The following ITPR1 variants were observed in gnomAD, a reference collection of about 807,000 sequenced individuals.
ITPR1 encodes the protein inositol 1,4,5-trisphosphate-gated calcium channel ITPR1.
Under a neutral mutation model 318.4 loss-of-function variants are expected in ITPR1, and 96 were observed. The ratio of observed to expected loss-of-function variants is 0.30; its 90% CI spans 0.26 to 0.36. ITPR1 has a LOEUF of 0.36. Ranked by LOEUF, ITPR1 falls within the 10% of genes least tolerant of loss-of-function variation. ITPR1 has a pLI of 1.00. For missense variants in ITPR1, 2,440 were observed against 3,460.2 expected (o/e 0.71, Z 7.40); for synonymous variants, 1,312 against 1,289.9 (o/e 1.02, Z -0.37).
At chr3:4,568,614 T>C (rs2087638855) in intron 4 of ITPR1, among the ~76,000 whole-genome samples, 1 of 152,030 alleles carries the variant, frequency 6.6e-6, no homozygotes, top group African/African-American at 2.4e-5. Context: ...AGTGACCAGG[T>C]AGACAGAGGC....
rs370842479 is a variant in ITPR1 at position 4,542,907 on chromosome 3, A to G, written c.163+21813A>G. Among the ~76,000 whole-genome samples the G allele has an allele frequency of 1.5e-3, 229 of 152,304 alleles. 5 individuals carry two copies. The South Asian group carries it at 0.047, about 31-fold the overall frequency. On this transcript the variant is annotated intron_variant, in intron 4 of 61. Transcript: ENST00000649015. The stretch of plus-strand genomic sequence containing the variant: ...GGATTCCCTTCTATATAACTGCTTC[A>G]GTACATTTCAAAATGTTTTCTAATA...
intron 51 of ITPR1, among the ~76,000 whole-genome samples, chr3:4,785,075 A>G (rs980078281): frequency 6.6e-6 from 1 of 152,242 alleles, no homozygotes; most frequent in African/African-American, 2.4e-5. Context: ...AATGTGACTT[A>G]AATTCTTTCA....
rs528335221 is a variant in ITPR1, at chr3:4,686,760, C to T, written c.3702+1554C>T. On this transcript the variant is annotated intron_variant, in intron 30 of 61. Transcript: ENST00000649015. ...TGGGGCTTGCTTTCCTTGGAAAAAT[C>T]CGCTTCACACCACAAGGGTTCTTCA... Among the ~76,000 whole-genome samples the T allele has an allele frequency of 1.1e-4, 16 of 152,328 alleles. No individual in the cohort carries two copies. In the South Asian group the frequency reaches 3.1e-3, roughly 30 times the overall value.
At chr3:4,708,210 A>G (rs1293281750) in intron 37 of ITPR1, among the ~76,000 whole-genome samples, 2 of 152,204 alleles carry the variant, frequency 1.3e-5, no homozygotes, top group Non-Finnish European at 2.9e-5. Flanking sequence ...AAGAAGATGA[A>G]AATAAAAGTA....
intron 16 of ITPR1, 44 bp downstream of exon 16, chr3:4,663,250 T>G (rs763257673): frequency 6.4e-7 from 1 of 1,562,648 alleles, no homozygotes; most frequent in East Asian, 2.3e-5. Flanking sequence ...TTATGAGAAA[T>G]CATAAAGCAT....
Position 4,779,698 on chromosome 3 carries a change from T to A in ITPR1, c.6387+53T>A. On this transcript the variant is annotated intron_variant, in intron 49 of 61. Transcript: ENST00000649015. This position sits in a 1 kb window ranked among gnomAD's most constrained non-coding sequence, Gnocchi z 4.0. ...GCACCAAGGAGCATTGCGACGATAT[T>A]TGGGACAGAGCAGAGGATCTGCTTC... is the stretch of plus-strand genomic sequence containing the variant. The A allele has an allele frequency of 7.8e-7, 1 of 1,283,590 alleles. No individual in the cohort carries two copies. The highest frequency in any genetic ancestry group is 1.1e-6 in the Non-Finnish European group (1 of 882,500). 79.5% of individuals were successfully genotyped at this position (1,283,590 alleles called of 1,614,324 possible).
chr3:4,701,279 G>C (rs974916475), intron 35 of ITPR1, among the ~76,000 whole-genome samples: 1 of 152,218 alleles, frequency 6.6e-6, no homozygotes, highest in East Asian at 1.9e-4. Flanking sequence ...TAATAGGGCA[G>C]GCGATAATGC....
At chr3:4,730,226 AAAAAC>A (rs1159493774) in intron 42 of ITPR1, among the ~76,000 whole-genome samples, 1 of 147,692 alleles carries the variant, frequency 6.8e-6, no homozygotes, top group Non-Finnish European at 1.5e-5. Context: ...TAAAAAAAAA[AAAAAC>A]AAAAAAAAAC....
chr3:4,679,338 C>T (rs920353733), intron 24 of ITPR1, among the ~76,000 whole-genome samples: 5 of 152,178 alleles, frequency 3.3e-5, no homozygotes, highest in African/African-American at 7.2e-5. Context: ...TTACGGAGGC[C>T]GAGAAGTCCC....
At chr3:4,828,423 G>A (rs1038874435) in intron 60 of ITPR1, among the ~76,000 whole-genome samples, 4 of 152,298 alleles carry the variant, frequency 2.6e-5, no homozygotes, top group African/African-American at 9.6e-5. Flanking sequence ...AAGGGTGAGT[G>A]AGCCTGATTG....
intron 2 of ITPR1, among the ~76,000 whole-genome samples, 152 bp from the exon 3 acceptor site, chr3:4,516,324 T>C (rs910357224): frequency 6.6e-6 from 1 of 152,232 alleles, no homozygotes; most frequent in Non-Finnish European, 1.5e-5. Flanking sequence ...CTTACTTGGC[T>C]CATTGAATCG....
chr3:4,501,982 C>T (rs898077054), intron 2 of ITPR1, among the ~76,000 whole-genome samples: 4 of 152,344 alleles, frequency 2.6e-5, no homozygotes, highest in African/African-American at 9.6e-5. Context: ...CACTAGTCTC[C>T]AAGTTTCTTG....
intron 4 of ITPR1, among the ~76,000 whole-genome samples, chr3:4,556,899 C>A (rs998699408): frequency 7.9e-5 from 12 of 152,150 alleles, no homozygotes; most frequent in African/African-American, 2.7e-4. Context: ...CTTTTGAGTG[C>A]TGATAATATT....
chr3:4,828,447 G>A (rs533927223), intron 60 of ITPR1, among the ~76,000 whole-genome samples: 3 of 152,186 alleles, frequency 2.0e-5, no homozygotes, highest in Non-Finnish European at 4.4e-5. Flanking sequence ...TCTATTCAGA[G>A]TCTCAAATGG....
intron 24 of ITPR1, among the ~76,000 whole-genome samples, chr3:4,679,425 G>C (rs181799424): frequency 6.6e-6 from 1 of 152,294 alleles, no homozygotes; most frequent in African/African-American, 2.4e-5. Flanking sequence ...TGAGAACCAG[G>C]GGAGCTGAAG....
chr3:4,791,247 T>C (rs1484491749), intron 52 of ITPR1, among the ~76,000 whole-genome samples: 1 of 152,196 alleles, frequency 6.6e-6, no homozygotes, highest in Admixed American at 6.5e-5. Context: ...TCCAACCAAC[T>C]TTTAGCCCCT....
In ITPR1 at chr3:4,779,704, C is replaced by G; in HGVS notation, c.6387+59C>G. 2 of 1,216,410 alleles carry G rather than the reference C, an allele frequency of 1.6e-6. No homozygotes were observed. Among genetic ancestry groups the G allele is most frequent in the South Asian group, 1.2e-5 (1 of 81,902 alleles). The allele number at this position is 1,216,410 out of a possible 1,614,324, so 75.4% of individuals were successfully genotyped here. ...AGGAGCATTGCGACGATATTTGGGA[C>G]AGAGCAGAGGATCTGCTTCCTGGAG... On this transcript the variant is annotated intron_variant, in intron 49 of 61. Transcript: ENST00000649015. The surrounding 1 kb of genome is among the most constrained non-coding windows in gnomAD (Gnocchi z 4.0).
At chr3:4,633,437 A>G (rs2093078578) in intron 5 of ITPR1, among the ~76,000 whole-genome samples, 1 of 151,972 alleles carries the variant, frequency 6.6e-6, no homozygotes, top group Admixed American at 6.5e-5. Context: ...TTTCATTTTT[A>G]TTTTTCTCAA....
chr3:4,786,048 T>C (rs1309383100), intron 51 of ITPR1, among the ~76,000 whole-genome samples: 2 of 152,224 alleles, frequency 1.3e-5, no homozygotes, highest in African/African-American at 4.8e-5. Flanking sequence ...CCCTGGAGTC[T>C]AGAACTCAGT....
Sources: gnomAD v4.1 joint callset for allele counts (sites outside exome capture counted in the v4.1 genomes callset) on GRCh38, gnomAD v4.1.1 for gene constraint, Gnocchi (gnomAD v3.1) non-coding constraint, MANE v1.5 for transcripts, NCBI Gene and HGNC (gene_info 2026-07-23, HGNC 2026-07-21) for gene names.